PI4KA: variants seen among roughly 807,000 people sequenced by gnomAD.
PI4KA encodes PI4-kinase alpha.
PI4KA carries 122 observed loss-of-function variants against 271.4 expected under a neutral mutation model. The ratio of observed to expected loss-of-function variants is 0.45; its 90% CI spans 0.39 to 0.52. The LOEUF (loss-of-function observed/expected upper bound fraction) is 0.52. Ranked by LOEUF, PI4KA falls within the 20% of genes least tolerant of loss-of-function variation. The pLI is 0.00. For synonymous variants in PI4KA, 1,041 were observed against 1,078.8 expected (o/e 0.96, Z 0.69); for missense variants, 1,969 against 2,769.1 (o/e 0.71, Z 6.48).
At chr22:20,797,690 T>A (rs1471386953) in intron 17 of PI4KA, among the ~76,000 whole-genome samples, 1 of 152,126 alleles carries the variant, frequency 6.6e-6, no homozygotes, top group African/African-American at 2.4e-5. Context: ...ATTTGGCAGA[T>A]GAGGAAACTG....
At chr22:20,736,611 G>A (rs1928748821) in intron 32 of PI4KA, 2 of 154,086 alleles carry the variant, frequency 1.3e-5, no homozygotes, top group African/African-American at 2.4e-5. Flanking sequence ...GTGCATAAGA[G>A]GGAGTCAAAG....
Position 20,804,476 on chromosome 22 carries a change from G to C in PI4KA, c.1361-76C>G, listed in dbSNP as rs532674228. 2.0e-5 allele frequency: 20 copies of C among 1,007,656 alleles called. No homozygotes were observed. In the South Asian group the frequency reaches 2.0e-4, roughly 10 times the overall value. The allele number at this position is 1,007,656 out of a possible 1,614,324, so 62.4% of individuals were successfully genotyped here. A position where few individuals can be genotyped will look rare whatever the true frequency, so the allele number is the denominator to read the frequency against. ...TCTAACACACTTATCCACCAAGTAA[G>C]CACAGAATTTAATAAAACCCCAGAG... On this transcript the variant is annotated intron_variant, in intron 11 of 54. Coordinates refer to ENST00000255882, the MANE Select transcript of PI4KA (RefSeq NM_058004.4).
Position 20,823,203 on chromosome 22 carries a change from C to T in PI4KA, c.456+1123G>A, listed in dbSNP as rs946699544. On this transcript the variant is annotated intron_variant, in intron 4 of 54. Coordinates refer to ENST00000255882, the MANE Select transcript of PI4KA (RefSeq NM_058004.4). ...TGCTAGGATTACAAGCCTGAGCCAC[C>T]GCACCCAGCCACTTTTTCCATTTTA... Among the ~76,000 whole-genome samples the T allele has an allele frequency of 2.0e-5, 3 of 152,122 alleles. 1 individual carries two copies. The highest frequency in any genetic ancestry group is 4.4e-5 in the Non-Finnish European group (3 of 68,030).
chr22:20,814,451 C>T (rs1283720444), intron 7 of PI4KA, among the ~76,000 whole-genome samples: 1 of 152,102 alleles, frequency 6.6e-6, no homozygotes, highest in Non-Finnish European at 1.5e-5. Context: ...CTAAACTATA[C>T]ACTTTAAAAT....
At position 20,837,936 on chromosome 22, in the gene PI4KA, T is replaced by C. The variant is rs537683880; in HGVS notation, c.273+679A>G. Among the ~76,000 whole-genome samples, 12 of 152,110 alleles carry C rather than the reference T, an allele frequency of 7.9e-5. No homozygotes were observed. In the South Asian group the frequency reaches 2.3e-3, roughly 29 times the overall value. On this transcript the variant is annotated intron_variant, in intron 2 of 54. Coordinates refer to ENST00000255882, the MANE Select transcript of PI4KA (RefSeq NM_058004.4). ...GAGTTTGAGACCAGCCTGCCCAACA[T>C]GGAGAAACCCCGTCTCTACTAAAAA... is the stretch of plus-strand genomic sequence containing the variant.
In PI4KA at chr22:20,854,322, T is replaced by C. The variant is rs1434510543; in HGVS notation, c.156+4248A>G. Among the ~76,000 whole-genome samples the C allele has an allele frequency of 3.3e-5, 5 of 152,060 alleles. No individual in the cohort carries two copies. In the South Asian group the frequency reaches 8.3e-4, roughly 25 times the overall value. Reference sequence around the variant, plus strand: ...TTTTAGTAGAGACGGGGTTTCACCATGTTGGCCAGGCTGGTCTCAAACTCC... The same window carrying C: ...TTTTAGTAGAGACGGGGTTTCACCACGTTGGCCAGGCTGGTCTCAAACTCC... On this transcript the variant is annotated intron_variant, in intron 1 of 54. Coordinates refer to ENST00000255882, the MANE Select transcript of PI4KA (RefSeq NM_058004.4).
chr22:20,798,665 C>T lies in PI4KA; in HGVS notation c.2027G>A (p.Trp676Ter). 1.2e-6 allele frequency: 2 copies of T among 1,612,710 alleles called. No homozygotes were observed. The highest frequency in any genetic ancestry group is 1.1e-5 in the South Asian group (1 of 91,058). The change falls in exon 17 of 55, where the codon TGG becomes TAG. Residue 676 changes from tryptophan to a stop codon, truncating the protein, a stop_gained. Transcript: ENST00000255882. LOFTEE classifies it high-confidence loss of function. ...CACACTGATCTGCTGGAAGAGGTTC[C>T]ACACTTCCTGATAGATGTATTGCTG... is the stretch of plus-strand genomic sequence containing the variant. ...TGNQYIYQEV[W>*]NLFQQISVKA... is the part of the protein sequence containing the mutation.
chr22:20,764,991 C>T (rs1270426277), intron 21 of PI4KA, 41 bp from the exon 22 acceptor site: 1 of 1,587,470 alleles, frequency 6.3e-7, no homozygotes, highest in Non-Finnish European at 8.6e-7. Context: ...GGGGCATCCC[C>T]CAGGACAAAC....
rs1934529187 is a variant in PI4KA, at chr22:20,790,085, G to T, written c.2328+3108C>A. On this transcript the variant is annotated intron_variant, in intron 19 of 54. Transcript: ENST00000255882. The stretch of plus-strand genomic sequence containing the variant: ...TTAACTAACAAGCTAAGTAACAACT[G>T]AAGTAATTTAATCAATGATATCTCT... 2.0e-5 allele frequency among the ~76,000 whole-genome samples: 3 copies of T among 152,314 alleles called. No individual in the cohort carries two copies. In the South Asian group the frequency reaches 6.2e-4, roughly 32 times the overall value.
At position 20,776,355 on chromosome 22, in the gene PI4KA, A is replaced by G. The variant is rs532896697; in HGVS notation, c.2329-10662T>C. ...ATAAAAATAAAAAGAAATCGTTTCT[A>G]GAAACTGTTTTCCCGTGTGTAAACT... On this transcript the variant is annotated intron_variant, in intron 19 of 54. Coordinates refer to ENST00000255882, the MANE Select transcript of PI4KA (RefSeq NM_058004.4). 2.0e-5 allele frequency among the ~76,000 whole-genome samples: 3 copies of G among 152,326 alleles called. No individual in the cohort carries two copies. In the South Asian group the frequency reaches 6.2e-4, roughly 32 times the overall value.
intron 7 of PI4KA, 112 bp downstream of exon 7, chr22:20,818,371 G>T: frequency 1.4e-6 from 1 of 709,796 alleles, no homozygotes. Context: ...GGCACTCTAG[G>T]TCCATCCATG....
chr22:20,760,084 A>G (rs766067614), intron 23 of PI4KA, among the ~76,000 whole-genome samples: 1 of 152,216 alleles, frequency 6.6e-6, no homozygotes, highest in Non-Finnish European at 1.5e-5. Context: ...AGATTCACCA[A>G]CCTATCAAAG....
intron 6 of PI4KA, among the ~76,000 whole-genome samples, chr22:20,819,037 G>C (rs769942585): frequency 1.3e-5 from 2 of 152,222 alleles, no homozygotes; most frequent in Non-Finnish European, 2.9e-5. Context: ...CAGGGGACCA[G>C]AGCAAATCAG....
intron 42 of PI4KA, chr22:20,725,457 G>A (rs2147219903): frequency 2.4e-6 from 1 of 418,844 alleles, no homozygotes; most frequent in Non-Finnish European, 4.9e-6. Context: ...TGGAGATAGG[G>A]TCTTTATAGA....
intron 3 of PI4KA, among the ~76,000 whole-genome samples, chr22:20,829,121 T>C (rs1361817291): frequency 6.6e-6 from 1 of 152,176 alleles, no homozygotes; most frequent in East Asian, 1.9e-4. Context: ...TGAAGTTTTC[T>C]TTTTTTGTTG....
intron 43 of PI4KA, 105 bp downstream of exon 43, chr22:20,721,193 T>G: frequency 1.1e-5 from 13 of 1,214,622 alleles, no homozygotes; most frequent in African/African-American, 1.5e-5. Flanking sequence ...GAGGGGTCGG[T>G]GAGCTGGGGC....
intron 1 of PI4KA, 103 bp downstream of exon 1, chr22:20,858,467 G>T: frequency 7.1e-6 from 6 of 848,070 alleles, no homozygotes; most frequent in Non-Finnish European, 9.5e-6. Flanking sequence ...ACAGGCTGCC[G>T]GCGAGCCCAG....
At chr22:20,822,970 A>G (rs1203638729) in intron 4 of PI4KA, among the ~76,000 whole-genome samples, 6 of 152,144 alleles carry the variant, frequency 3.9e-5, no homozygotes, top group African/African-American at 1.2e-4. Context: ...CTGGAGTGCA[A>G]TGGCATGATC....
chr22:20,710,269 T>C lies in PI4KA; in HGVS notation c.6084-272A>G, dbSNP rs2539903. On this transcript the variant is annotated intron_variant, in intron 52 of 54. Coordinates refer to ENST00000255882, the MANE Select transcript of PI4KA (RefSeq NM_058004.4). ...AGGCTGCCGGCCATGGCTTCTGCAC[T>C]TGGGTGGGATGCAGACACGCTGACC... 1.3e-4 allele frequency: 72 copies of C among 565,508 alleles called. 1 individual carries two copies. The highest frequency in any genetic ancestry group is 2.1e-4 in the African/African-American group (11 of 53,100). The allele number at this position is 565,508 out of a possible 1,614,324, so 35.0% of individuals were successfully genotyped here.
Sources: allele counts gnomAD v4.1 joint callset (sites outside exome capture counted in the v4.1 genomes callset), GRCh38; gene constraint gnomAD v4.1.1; transcripts MANE v1.5; gene names NCBI Gene and HGNC (gene_info 2026-07-23, HGNC 2026-07-21).